ACTR3C: variants seen among roughly 807,000 people sequenced by gnomAD.
ACTR3C encodes actin related protein 3C, also known as actin-related protein 3C.
A neutral mutation model predicts 26.3 loss-of-function variants in ACTR3C; 18 were observed. That is an observed-to-expected ratio of 0.68 (90% CI 0.47 to 1.01). The LOEUF is 1.01. Among genes scored for constraint, ACTR3C ranks in the 50% least tolerant of loss-of-function variants. ACTR3C has a pLI of 0.00. For synonymous variants in ACTR3C, 55 were observed against 94.5 expected (o/e 0.58, Z 2.42); for missense variants, 184 against 250.7 (o/e 0.73, Z 1.80).
chr7:150,243,380 T>C (rs1446680174), downstream of ACTR3C, among the ~76,000 whole-genome samples: 5 of 152,112 alleles, frequency 3.3e-5, no homozygotes. Context: ...ATAACGGTAG[T>C]ACACAGCCAC....
At chr7:150,017,373 AG>A in the ACTR3C span, among the ~76,000 whole-genome samples, 1 of 151,544 alleles carries the variant, frequency 6.6e-6, no homozygotes, top group Non-Finnish European at 1.5e-5. Flanking sequence ...CTGTTTCTCC[AG>A]GTCCCTGACT....
chr7:150,159,356 T>TC, the ACTR3C span, among the ~76,000 whole-genome samples: 1 of 151,728 alleles, frequency 6.6e-6, no homozygotes, highest in South Asian at 2.1e-4. Context: ...ACTTCATCCC[T>TC]CCCCCACAGC....
the ACTR3C span, among the ~76,000 whole-genome samples, chr7:150,005,564 T>A: frequency 3.3e-5 from 5 of 151,788 alleles, no homozygotes; most frequent in African/African-American, 1.2e-4. Context: ...ATCGGGAGGG[T>A]CAGCAGAGGC....
chr7:149,940,425 C>T, the ACTR3C span, among the ~76,000 whole-genome samples: 1 of 151,932 alleles, frequency 6.6e-6, no homozygotes, highest in Admixed American at 6.6e-5. Context: ...ACTCCACTTA[C>T]TTAATGGTCC....
the ACTR3C span, among the ~76,000 whole-genome samples, chr7:150,008,529 G>C: frequency 6.6e-6 from 1 of 152,216 alleles, no homozygotes; most frequent in Non-Finnish European, 1.5e-5. Context: ...AGAGAGCACA[G>C]ACCCGGACCT....
At chr7:150,242,811 G>A (rs185721850), downstream of ACTR3C, among the ~76,000 whole-genome samples, 250 of 152,248 alleles carry the variant, frequency 1.6e-3, 1 homozygote, top group African/African-American at 5.2e-3. Context: ...TTTGGAATTT[G>A]AGAAATCTGT....
chr7:150,032,775 G>T, the ACTR3C span, among the ~76,000 whole-genome samples: 2 of 152,100 alleles, frequency 1.3e-5, no homozygotes, highest in African/African-American at 2.4e-5. Flanking sequence ...AGAGGTAGTG[G>T]TTTGCTATAC....
At chr7:150,011,946 A>G in the ACTR3C span, among the ~76,000 whole-genome samples, 1 of 152,256 alleles carries the variant, frequency 6.6e-6, no homozygotes, top group Non-Finnish European at 1.5e-5. Flanking sequence ...GTCAGAAGAC[A>G]GTGAACGGTA....
chr7:150,259,323 A>G (rs1435508112), intron 6 of ACTR3C, among the ~76,000 whole-genome samples: 1 of 152,008 alleles, frequency 6.6e-6, no homozygotes, highest in Non-Finnish European at 1.5e-5. Context: ...GAGAGGAAAG[A>G]AAGGAAAGAA....
At chr7:150,100,197 A>G in the ACTR3C span, among the ~76,000 whole-genome samples, 3 of 151,648 alleles carry the variant, frequency 2.0e-5, 1 homozygote, top group Non-Finnish European at 2.9e-5. Context: ...TGAGCCCTCC[A>G]TAAGCATCCC....
chr7:150,023,297 A>C, the ACTR3C span, among the ~76,000 whole-genome samples: 4 of 73,742 alleles, frequency 5.4e-5, no homozygotes, highest in Admixed American at 1.8e-4. Context: ...ATACATAGAT[A>C]GATAGATAGA....
chr7:150,216,058 T>C, the ACTR3C span, among the ~76,000 whole-genome samples: 1 of 151,070 alleles, frequency 6.6e-6, no homozygotes, highest in Non-Finnish European at 1.5e-5. Context: ...AAAGAACCCA[T>C]GGCTAGTCAC....
At chr7:149,883,079 G>T in the ACTR3C span, among the ~76,000 whole-genome samples, 1 of 152,216 alleles carries the variant, frequency 6.6e-6, no homozygotes, top group African/African-American at 2.4e-5. Context: ...TGTTTTTAAC[G>T]TAAATGCTCT....
chr7:150,303,263 C>A lies in ACTR3C; in HGVS notation c.-51-7916G>T, dbSNP rs1014560347. ...GCCTCCTGCCCTTAACACCCTCCTC[C>A]TTCCTGGAACACAGAGGTGATAGCT... On this transcript the variant is annotated intron_variant, in intron 1 of 7. Coordinates refer to ENST00000683684, the MANE Select transcript of ACTR3C (RefSeq NM_001164458.2). 2.0e-5 allele frequency among the ~76,000 whole-genome samples: 3 copies of A among 152,168 alleles called. No homozygotes were observed. In the East Asian group the frequency reaches 5.8e-4, roughly 29 times the overall value.
the ACTR3C span, among the ~76,000 whole-genome samples, chr7:150,021,199 G>A: frequency 6.5e-4 from 98 of 151,820 alleles, no homozygotes; most frequent in African/African-American, 2.2e-3. Context: ...CATCACAGAT[G>A]TCAGTGCCCT....
At chr7:150,079,831 C>A in the ACTR3C span, among the ~76,000 whole-genome samples, 1 of 152,158 alleles carries the variant, frequency 6.6e-6, no homozygotes, top group Non-Finnish European at 1.5e-5. Context: ...GTTTCTCCTG[C>A]CACTTTGCCC....
the ACTR3C span, among the ~76,000 whole-genome samples, chr7:149,906,434 T>C: frequency 2.5e-5 from 3 of 119,642 alleles, no homozygotes; most frequent in South Asian, 3.3e-4. Context: ...TTTTTTTTTT[T>C]TTTTTTTTTT....
At chr7:150,263,978 G>A (rs1012618658) in intron 6 of ACTR3C, among the ~76,000 whole-genome samples, 10 of 152,310 alleles carry the variant, frequency 6.6e-5, no homozygotes, top group Middle Eastern at 3.4e-3. Flanking sequence ...AGCTCTCAGC[G>A]GGGGCTAAGG....
chr7:150,086,702 C>T, the ACTR3C span, among the ~76,000 whole-genome samples: 80,972 of 149,966 alleles, frequency 0.54, 22,470 homozygotes, highest in East Asian at 0.79. Flanking sequence ...CAAAGGGGAG[C>T]GAGGAAAGAA....
Sources: gnomAD v4.1 joint callset for allele counts (sites outside exome capture counted in the v4.1 genomes callset) on GRCh38, gnomAD v4.1.1 for gene constraint, MANE v1.5 for transcripts, NCBI Gene and HGNC (gene_info 2026-07-23, HGNC 2026-07-21) for gene names.